The following FSTL5 variants were observed in gnomAD, a reference collection of about 807,000 sequenced individuals.
FSTL5 encodes the protein follistatin-related protein 5.
FSTL5 carries 62 observed loss-of-function variants against 89.1 expected under a neutral mutation model. That is an observed-to-expected ratio of 0.70 (90% CI 0.57 to 0.86). The LOEUF (loss-of-function observed/expected upper bound fraction) is 0.86. Among genes scored for constraint, FSTL5 ranks in the 40% least tolerant of loss-of-function variants. FSTL5 has a pLI of 0.00. For missense variants in FSTL5, 1,057 were observed against 1,001.6 expected, an observed-to-expected ratio of 1.06 and a Z score of -0.75; for synonymous variants, 383 against 346.2, an observed-to-expected ratio of 1.11 and a Z score of -1.18.
At chr4:161,762,871 T>C (rs1030009544) in intron 5 of FSTL5, among the ~76,000 whole-genome samples, 2 of 152,116 alleles carry the variant, frequency 1.3e-5, no homozygotes, top group Admixed American at 1.3e-4. Context: ...ATGGTTTGGT[T>C]CAGTGTGAAA....
At chr4:161,651,220 G>A (rs1736329713) in intron 7 of FSTL5, among the ~76,000 whole-genome samples, 1 of 151,630 alleles carries the variant, frequency 6.6e-6, no homozygotes, top group African/African-American at 2.4e-5. Flanking sequence ...ACAGATACAG[G>A]CAGATTCATC....
chr4:162,163,230 TGTTG>T (rs1456340832), intron 1 of FSTL5, among the ~76,000 whole-genome samples: 1 of 152,116 alleles, frequency 6.6e-6, no homozygotes, highest in Non-Finnish European at 1.5e-5. Flanking sequence ...CTAAACAACT[TGTTG>T]GTTGATTTAT....
intron 4 of FSTL5, among the ~76,000 whole-genome samples, chr4:161,831,245 A>C (rs1730835347): frequency 1.3e-5 from 2 of 151,964 alleles, no homozygotes; most frequent in African/African-American, 4.8e-5. Flanking sequence ...AATTTTATTT[A>C]AAACAATTTT....
intron 2 of FSTL5, among the ~76,000 whole-genome samples, chr4:162,044,413 A>G (rs935411371): frequency 2.0e-5 from 3 of 152,160 alleles, no homozygotes; most frequent in Admixed American, 2.0e-4. Context: ...CATGCGGTAA[A>G]CAGGTGTGCT....
chr4:161,418,629 A>T (rs1253253109), intron 15 of FSTL5, among the ~76,000 whole-genome samples: 4 of 152,228 alleles, frequency 2.6e-5, no homozygotes, highest in African/African-American at 9.6e-5. Context: ...TTTATTATTA[A>T]AAGTGTCTTG....
At chr4:161,429,272 C>T (rs1335400622) in intron 15 of FSTL5, among the ~76,000 whole-genome samples, 2 of 152,182 alleles carry the variant, frequency 1.3e-5, no homozygotes, top group Admixed American at 1.3e-4. Flanking sequence ...TGGACCTGCC[C>T]AGGGCTGGGG....
At chr4:161,804,040 G>T (rs1729881854) in intron 4 of FSTL5, among the ~76,000 whole-genome samples, 1 of 151,928 alleles carries the variant, frequency 6.6e-6, no homozygotes, top group South Asian at 2.1e-4. Context: ...CTATCAGCTG[G>T]AGAACACCCT....
chr4:161,981,137 A>G (rs1317244555), intron 3 of FSTL5, among the ~76,000 whole-genome samples: 1 of 152,154 alleles, frequency 6.6e-6, no homozygotes, highest in South Asian at 2.1e-4. Context: ...GGAACACTTT[A>G]TAGTTCTAAG....
intron 6 of FSTL5, among the ~76,000 whole-genome samples, chr4:161,658,632 T>C (rs1311660725): frequency 3.3e-5 from 5 of 152,154 alleles, no homozygotes; most frequent in South Asian, 2.1e-4. Flanking sequence ...TGTATATACA[T>C]AAATAAGTTA....
chr4:161,542,186 AAAGT>A (rs1411012814), intron 9 of FSTL5, among the ~76,000 whole-genome samples: 2 of 152,008 alleles, frequency 1.3e-5, no homozygotes, highest in Non-Finnish European at 2.9e-5. Flanking sequence ...AAACACTTAA[AAAGT>A]AACTTCAGAA....
At chr4:161,490,722 G>C (rs1729840552) in intron 12 of FSTL5, among the ~76,000 whole-genome samples, 1 of 151,970 alleles carries the variant, frequency 6.6e-6, no homozygotes, top group South Asian at 2.1e-4. Context: ...AACTATAAAT[G>C]TTTTACAGAG....
In FSTL5 at chr4:162,076,876, ATAAAT is replaced by A. The variant is rs569887122; in HGVS notation, c.126+34390_126+34394del. 5.3e-3 allele frequency among the ~76,000 whole-genome samples: 805 copies of A among 151,968 alleles called. 6 individuals carry two copies. The highest frequency in any genetic ancestry group is 0.018 in the African/African-American group (738 of 41,516). On this transcript the variant is annotated intron_variant, in intron 2 of 15. Coordinates refer to ENST00000306100, the MANE Select transcript of FSTL5 (RefSeq NM_020116.5). Reference sequence around the variant, plus strand: ...ACCATATAGGTTGCTGAAACTGAACATAAATTAAATTTATAACTTTGGTATTTCTC... The same window carrying A: ...ACCATATAGGTTGCTGAAACTGAACATAAATTTATAACTTTGGTATTTCTC...
rs371358221 is a variant in FSTL5 at position 162,072,185 on chromosome 4, C to T, written c.127-38527G>A. Among the ~76,000 whole-genome samples, 3 of 151,834 alleles carry T rather than the reference C, an allele frequency of 2.0e-5. No homozygotes were observed. The East Asian group carries it at 5.8e-4, about 30-fold the overall frequency. Reference sequence around the variant, plus strand: ...AATGTCAGTTTAATTGACATTAGTTCAATGTACAAAATAATACACAGTTAA... The same window carrying T: ...AATGTCAGTTTAATTGACATTAGTTTAATGTACAAAATAATACACAGTTAA... On this transcript the variant is annotated intron_variant, in intron 2 of 15. Coordinates refer to ENST00000306100, the MANE Select transcript of FSTL5 (RefSeq NM_020116.5).
chr4:161,681,352 A>G (rs748714416), intron 6 of FSTL5, among the ~76,000 whole-genome samples: 2 of 152,130 alleles, frequency 1.3e-5, no homozygotes, highest in Non-Finnish European at 2.9e-5. Context: ...AGTTAACAGC[A>G]TAACTAGCAT....
chr4:162,057,346 C>T lies in FSTL5; in HGVS notation c.127-23688G>A, dbSNP rs547959249. ...CTCTCCGTCTCCCCTGCCATTACAA[C>T]GTTGAAATGAAAATCCCCTGAGCTA... is the stretch of plus-strand genomic sequence containing the variant. On this transcript the variant is annotated intron_variant, in intron 2 of 15. Coordinates refer to ENST00000306100, the MANE Select transcript of FSTL5 (RefSeq NM_020116.5). Among the ~76,000 whole-genome samples the T allele has an allele frequency of 4.6e-5, 7 of 152,212 alleles. 1 individual carries two copies. Among genetic ancestry groups the T allele is most frequent in the South Asian group, 2.1e-4 (1 of 4,824 alleles).
chr4:162,158,552 G>C (rs1733572946), intron 1 of FSTL5, among the ~76,000 whole-genome samples: 1 of 152,004 alleles, frequency 6.6e-6, no homozygotes, highest in African/African-American at 2.4e-5. Context: ...AAATGATATA[G>C]CTAGTTACTG....
At chr4:161,956,815 T>A (rs953028744) in intron 3 of FSTL5, among the ~76,000 whole-genome samples, 10 of 151,986 alleles carry the variant, frequency 6.6e-5, no homozygotes, top group Non-Finnish European at 1.5e-4. Flanking sequence ...TAACAGTAAC[T>A]GTTGAAGAAA....
chr4:161,528,635 A>G lies in FSTL5; in HGVS notation c.1312+9531T>C, dbSNP rs143775600. Among the ~76,000 whole-genome samples the G allele has an allele frequency of 1.4e-3, 199 of 143,506 alleles. 16 individuals carry two copies. The highest frequency in any genetic ancestry group is 4.7e-3 in the African/African-American group (189 of 40,106). 94.1% of individuals were successfully genotyped at this position (143,506 alleles called of 152,430 possible). ...CCCAGAGTTTGGGCATTTCAAAGAT[A>G]CATTTGTTTTGTTAACTCTTTGCAC... On this transcript the variant is annotated intron_variant, in intron 10 of 15. Transcript: ENST00000306100.
intron 8 of FSTL5, among the ~76,000 whole-genome samples, chr4:161,575,289 G>A (rs1733169748): frequency 6.6e-6 from 1 of 152,100 alleles, no homozygotes; most frequent in Admixed American, 6.5e-5. Context: ...CTCCCATTCT[G>A]TAGGTTGCCT....
Sources: gnomAD v4.1 joint callset for allele counts (sites outside exome capture counted in the v4.1 genomes callset) on GRCh38, gnomAD v4.1.1 for gene constraint, MANE v1.5 for transcripts, NCBI Gene and HGNC (gene_info 2026-07-23, HGNC 2026-07-21) for gene names.